The following DOCK3 variants were observed in gnomAD, a reference collection of about 807,000 sequenced individuals.
The protein encoded by DOCK3 is dedicator of cytokinesis protein 3.
In DOCK3, 60 loss-of-function variants were observed where a neutral mutation model predicts 265.6. The observed-to-expected ratio is 0.23, with a 90% CI of 0.18 to 0.28. The LOEUF is 0.28. Among genes scored for constraint, DOCK3 ranks in the 10% least tolerant of loss-of-function variants. DOCK3 has a pLI of 1.00. For synonymous variants in DOCK3, 881 were observed against 938.0 expected (o/e 0.94, Z 1.11); for missense variants, 1,981 against 2,594.3 (o/e 0.76, Z 5.14).
chr3:51,330,603 G>C (rs1213729345), intron 33 of DOCK3, among the ~76,000 whole-genome samples: 1 of 152,154 alleles, frequency 6.6e-6, no homozygotes, highest in Non-Finnish European at 1.5e-5. Flanking sequence ...ACAGGTTCCT[G>C]TTTGCCCTGC....
At chr3:51,005,522 C>A (rs2078646237) in intron 5 of DOCK3, among the ~76,000 whole-genome samples, 1 of 152,200 alleles carries the variant, frequency 6.6e-6, no homozygotes, top group Non-Finnish European at 1.5e-5. Flanking sequence ...ATAAGCACCT[C>A]AAACTCAATA....
intron 10 of DOCK3, among the ~76,000 whole-genome samples, chr3:51,153,049 C>T (rs529165481): frequency 3.3e-5 from 5 of 152,214 alleles, no homozygotes; most frequent in Non-Finnish European, 5.9e-5. Flanking sequence ...CAGACAGGGA[C>T]GTTTAAGTCT....
chr3:51,341,129 A>G, intron 37 of DOCK3, 108 bp from the exon 38 acceptor site: 3 of 1,368,020 alleles, frequency 2.2e-6, no homozygotes, highest in Non-Finnish European at 2.9e-6. Flanking sequence ...CCTGGGCTGC[A>G]CATGACTTGC....
At chr3:51,148,078 T>A (rs1481268826) in intron 10 of DOCK3, among the ~76,000 whole-genome samples, 1 of 152,248 alleles carries the variant, frequency 6.6e-6, no homozygotes, top group Non-Finnish European at 1.5e-5. Context: ...GATTTGCATT[T>A]CTCTGATGAC....
intron 1 of DOCK3, among the ~76,000 whole-genome samples, chr3:50,745,615 C>T (rs1026804011): frequency 6.6e-6 from 1 of 152,132 alleles, no homozygotes; most frequent in Non-Finnish European, 1.5e-5. Context: ...GAACAAAACG[C>T]ATAACACTGA....
chr3:51,360,414 C>A (rs2086649231), intron 46 of DOCK3, 97 bp from the exon 47 acceptor site: 14 of 1,456,418 alleles, frequency 9.6e-6, no homozygotes, highest in Non-Finnish European at 1.3e-5. Flanking sequence ...TTTTTTGTTT[C>A]TTTTACATTT....
chr3:51,059,112 ATTG>A (rs985003426), intron 5 of DOCK3, among the ~76,000 whole-genome samples: 11 of 151,972 alleles, frequency 7.2e-5, no homozygotes, highest in African/African-American at 2.2e-4. Context: ...CCCAGTGTCT[ATTG>A]TTGTTGTTTT....
intron 3 of DOCK3, chr3:50,863,434 C>T (rs373305996): frequency 3.8e-6 from 2 of 519,906 alleles, no homozygotes; most frequent in Non-Finnish European, 7.7e-6. Context: ...AGGGTCTTTC[C>T]AACAGTTTGG....
rs1295249486 is a variant in DOCK3 at position 51,384,013 on chromosome 3, T to TA, written c.*2457dup. On this transcript the variant is annotated 3_prime_UTR_variant, in exon 53 of 53. Coordinates refer to ENST00000266037, the MANE Select transcript of DOCK3 (RefSeq NM_004947.5). Reference sequence around the variant, plus strand: ...CTTACCTGTACCAGAAAAGCAAAGTTAAAGGAAACAAAATTTGTACCATTG... The same window carrying TA: ...CTTACCTGTACCAGAAAAGCAAAGTTAAAAGGAAACAAAATTTGTACCATTG... 1.3e-5 allele frequency: 2 copies of TA among 152,652 alleles called. No homozygotes were observed. The highest frequency in any genetic ancestry group is 2.9e-5 in the Non-Finnish European group (2 of 68,032). The allele number at this position is 152,652 out of a possible 1,614,324, so 9.5% of individuals were successfully genotyped here. A position where few individuals can be genotyped will look rare whatever the true frequency, so the allele number is the denominator to read the frequency against.
chr3:51,115,461 G>A (rs1346331836), intron 9 of DOCK3, among the ~76,000 whole-genome samples: 1 of 152,010 alleles, frequency 6.6e-6, no homozygotes, highest in Non-Finnish European at 1.5e-5. Context: ...AGTGTCTGTT[G>A]ATATCCTTTG....
intron 2 of DOCK3, among the ~76,000 whole-genome samples, chr3:50,841,111 T>G (rs945058972): frequency 3.9e-5 from 6 of 152,220 alleles, no homozygotes; most frequent in Admixed American, 3.9e-4. Context: ...GAGTTGGCAG[T>G]AAAATTTTCT....
chr3:51,124,507 T>G (rs1362671776), intron 9 of DOCK3, among the ~76,000 whole-genome samples: 1 of 152,144 alleles, frequency 6.6e-6, no homozygotes, highest in African/African-American at 2.4e-5. Flanking sequence ...GTAAGCTGAT[T>G]GTGCAGGGCC....
intron 5 of DOCK3, among the ~76,000 whole-genome samples, chr3:50,951,846 G>T (rs1011861301): frequency 5.9e-5 from 9 of 152,158 alleles, no homozygotes; most frequent in African/African-American, 2.2e-4. Context: ...TAATGCACTT[G>T]ATTTCATTTA....
At chr3:51,114,538 G>A (rs1202486852) in intron 9 of DOCK3, among the ~76,000 whole-genome samples, 1 of 152,142 alleles carries the variant, frequency 6.6e-6, no homozygotes, top group Non-Finnish European at 1.5e-5. Context: ...AGTTGGCTGA[G>A]GAATGAAAGA....
chr3:50,987,269 A>T (rs571863846), intron 5 of DOCK3, among the ~76,000 whole-genome samples: 50 of 152,224 alleles, frequency 3.3e-4, no homozygotes, highest in Non-Finnish European at 6.3e-4. Context: ...TTCTGTTCAT[A>T]AAGAATACAT....
chr3:50,924,537 A>C (rs866701199), intron 4 of DOCK3, among the ~76,000 whole-genome samples: 1 of 152,214 alleles, frequency 6.6e-6, no homozygotes, highest in South Asian at 2.1e-4. Context: ...TGAATAGTCT[A>C]CTGAAGGTTA....
At chr3:50,864,054 G>A (rs188589245) in intron 3 of DOCK3, among the ~76,000 whole-genome samples, 2 of 152,240 alleles carry the variant, frequency 1.3e-5, no homozygotes, top group Admixed American at 6.5e-5. Context: ...TATAATGGCT[G>A]TGTCACTTTA....
At chr3:51,137,721 A>G (rs971519899) in intron 9 of DOCK3, among the ~76,000 whole-genome samples, 3 of 152,252 alleles carry the variant, frequency 2.0e-5, no homozygotes, top group South Asian at 4.1e-4. Flanking sequence ...ATGTAACTTC[A>G]TATGCTATTG....
intron 5 of DOCK3, among the ~76,000 whole-genome samples, chr3:50,980,111 A>G (rs999018098): frequency 1.3e-5 from 2 of 152,110 alleles, no homozygotes; most frequent in Admixed American, 6.5e-5. Context: ...TATTGACTTC[A>G]TTATTTTGAG....
Sources: allele counts gnomAD v4.1 joint callset (sites outside exome capture counted in the v4.1 genomes callset), GRCh38; gene constraint gnomAD v4.1.1; transcripts MANE v1.5; gene names NCBI Gene and HGNC (gene_info 2026-07-23, HGNC 2026-07-21).